Variants in SLC45A3 observed in about 807,000 individuals in gnomAD.
SLC45A3 encodes the protein solute carrier family 45 member 3.
SLC45A3 carries 17 observed loss-of-function variants against 35.3 expected under a neutral mutation model. The observed-to-expected ratio is 0.48, with a 90% CI of 0.33 to 0.72. SLC45A3 has a LOEUF of 0.72. Among genes scored for constraint, SLC45A3 ranks in the 30% least tolerant of loss-of-function variants. The pLI is 0.02. For synonymous variants in SLC45A3, 288 were observed against 334.3 expected (o/e 0.86, Z 1.51); for missense variants, 597 against 731.7 (o/e 0.82, Z 2.12).
At chr1:205,680,363 A>C (rs1671386202) in intron 1 of SLC45A3, 31 bp downstream of exon 1, 1 of 150,896 alleles carries the variant, frequency 6.6e-6, no homozygotes, top group Non-Finnish European at 1.5e-5. Context: ...CGGGACCCTC[A>C]CCCCTGGGAG....
chr1:205,668,703 T>C (rs946209460), intron 1 of SLC45A3, among the ~76,000 whole-genome samples: 2 of 152,086 alleles, frequency 1.3e-5, no homozygotes, highest in African/African-American at 4.8e-5. Context: ...AGGAAGGAAG[T>C]AGAGGGGCTG....
chr1:205,675,802 C>T lies in SLC45A3; in HGVS notation c.-231+4592G>A, dbSNP rs1380845594. ...AGCCCTGCCCAGCTCCAATCTCACA[C>T]CTCCTCCACAGCCCCCTGGAAACCA... is the stretch of plus-strand genomic sequence containing the variant. On this transcript the variant is annotated intron_variant, in intron 1 of 4. Coordinates refer to ENST00000367145, the MANE Select transcript of SLC45A3 (RefSeq NM_033102.3). Among the ~76,000 whole-genome samples, 3 of 152,178 alleles carry T rather than the reference C, an allele frequency of 2.0e-5. No individual in the cohort carries two copies. In the East Asian group the frequency reaches 5.8e-4, roughly 29 times the overall value.
Position 205,662,860 on chromosome 1 carries a change from T to C in SLC45A3, c.931A>G (p.Thr311Ala). The C allele has an allele frequency of 6.2e-7, 1 of 1,603,650 alleles. No individual in the cohort carries two copies. The highest frequency in any genetic ancestry group is 8.5e-7 in the Non-Finnish European group (1 of 1,173,816). The stretch of plus-strand genomic sequence containing the variant: ...TCATCATAGTGTCTCCGGGCCTCGG[T>C]GCCCGGCTCAGCTCTGGGCACGCCC... ...YQGVPRAEPG[T>A]EARRHYDEGV... The change falls in exon 3 of 5, where the codon ACC becomes GCC. Residue 311 changes from threonine (T) to alanine (A), a missense_variant. This residue lies in a region of SLC45A3 where 555 missense variants were observed against 664.9 expected (regional missense o/e 0.83). Coordinates refer to ENST00000367145, the MANE Select transcript of SLC45A3 (RefSeq NM_033102.3). This position sits in a 1 kb window ranked among gnomAD's most constrained non-coding sequence, Gnocchi z 6.2.
chr1:205,667,432 G>A (rs1351708808), intron 1 of SLC45A3, among the ~76,000 whole-genome samples: 1 of 151,828 alleles, frequency 6.6e-6, no homozygotes, highest in South Asian at 2.1e-4. Flanking sequence ...GCTTGAACCT[G>A]GGAGGCGGAG....
chr1:205,660,072 C>A (rs55736919), intron 4 of SLC45A3, among the ~76,000 whole-genome samples: 1,651 of 152,218 alleles, frequency 0.011, 18 homozygotes, highest in South Asian at 0.063. Context: ...CCCCTGATGG[C>A]CCAAACCCCA....
chr1:205,662,291 T>A lies in SLC45A3; in HGVS notation c.959-165A>T, dbSNP rs1671040999. 2 of 1,429,434 alleles carry A rather than the reference T, an allele frequency of 1.4e-6. No individual in the cohort carries two copies. 88.5% of individuals were successfully genotyped at this position (1,429,434 alleles called of 1,614,324 possible). On this transcript the variant is annotated intron_variant, in intron 3 of 4. Coordinates refer to ENST00000367145, the MANE Select transcript of SLC45A3 (RefSeq NM_033102.3). This position sits in a 1 kb window ranked among gnomAD's most constrained non-coding sequence, Gnocchi z 6.2. The stretch of plus-strand genomic sequence containing the variant: ...CTTTCTACCTCTAGCAATGGGAGTC[T>A]AGGTTCTTCCACTGACCCTCAGAGA...
In SLC45A3 at chr1:205,664,464, A is replaced by G; in HGVS notation, c.172+21T>C. ...GTGGCATGTATCTGGAACAGGAAGG[A>G]AGGAGGATGTAGTGACTCACCCAGC... On this transcript the variant is annotated intron_variant, in intron 2 of 4. Transcript: ENST00000367145. The surrounding 1 kb of genome is among the most constrained non-coding windows in gnomAD (Gnocchi z 5.3). 1 of 1,612,744 alleles carries G rather than the reference A, an allele frequency of 6.2e-7. No individual in the cohort carries two copies. Among genetic ancestry groups the G allele is most frequent in the Non-Finnish European group, 8.5e-7 (1 of 1,178,966 alleles).
chr1:205,658,367 G>A lies in SLC45A3; in HGVS notation c.*867C>T, dbSNP rs1670959878. The A allele has an allele frequency of 4.3e-6, 1 of 232,532 alleles. No homozygotes were observed. The highest frequency in any genetic ancestry group is 6.1e-5 in the East Asian group (1 of 16,494). 14.4% of individuals were successfully genotyped at this position (232,532 alleles called of 1,614,324 possible). On this transcript the variant is annotated 3_prime_UTR_variant, in exon 5 of 5. Transcript: ENST00000367145. ...GTAACAGCATTTGGAATTATCATTTGGGATGAGTAGAATTTCCAAGGTCCT... is the reference window on the plus strand; with the variant it reads ...GTAACAGCATTTGGAATTATCATTTAGGATGAGTAGAATTTCCAAGGTCCT...
intron 1 of SLC45A3, among the ~76,000 whole-genome samples, chr1:205,677,757 A>C (rs1272758321): frequency 1.3e-5 from 2 of 152,246 alleles, no homozygotes; most frequent in African/African-American, 2.4e-5. Flanking sequence ...GATACAATAT[A>C]TAGTTGGTAC....
At chr1:205,661,280 CAGGGGA>C (rs917770656) in intron 4 of SLC45A3, among the ~76,000 whole-genome samples, 87 of 151,886 alleles carry the variant, frequency 5.7e-4, no homozygotes, top group African/African-American at 2.0e-3. Context: ...ATATCTGCCA[CAGGGGA>C]AGGGGAAGGG....
At chr1:205,670,121 G>A (rs1671185574) in intron 1 of SLC45A3, among the ~76,000 whole-genome samples, 1 of 152,150 alleles carries the variant, frequency 6.6e-6, no homozygotes. Flanking sequence ...CACCCTCACG[G>A]CAGCTCCACG....
chr1:205,662,602 C>A lies in SLC45A3; in HGVS notation c.958+231G>T, dbSNP rs1038743216. The A allele has an allele frequency of 1.5e-6, 2 of 1,336,132 alleles. No individual in the cohort carries two copies. Among genetic ancestry groups the A allele is most frequent in the Non-Finnish European group, 1.9e-6 (2 of 1,048,462 alleles). 82.8% of individuals were successfully genotyped at this position (1,336,132 alleles called of 1,614,324 possible). A position where few individuals can be genotyped will look rare whatever the true frequency, so the allele number is the denominator to read the frequency against. On this transcript the variant is annotated intron_variant, in intron 3 of 4. Transcript: ENST00000367145. This position sits in a 1 kb window ranked among gnomAD's most constrained non-coding sequence, Gnocchi z 6.2. ...AAGCTCCGCCTTTCCTTCTGTCAAA[C>A]TGGGGCAACGACTCTGATCAGACTC...
rs1335990836 is a variant in SLC45A3 at position 205,672,855 on chromosome 1, C to T, written c.-231+7539G>A. Among the ~76,000 whole-genome samples, 4 of 152,166 alleles carry T rather than the reference C, an allele frequency of 2.6e-5. No individual in the cohort carries two copies. The South Asian group carries it at 6.2e-4, about 24-fold the overall frequency. On this transcript the variant is annotated intron_variant, in intron 1 of 4. Transcript: ENST00000367145. Reference sequence around the variant, plus strand: ...GTGCAACCAGGTGATCTCACATGCACCCCCTACCCCCGGCAGTTGCTTCTT... The same window carrying T: ...GTGCAACCAGGTGATCTCACATGCATCCCCTACCCCCGGCAGTTGCTTCTT...
Position 205,664,911 on chromosome 1 carries a change from C to G in SLC45A3, c.-230-25G>C, listed in dbSNP as rs893927936. 1.5e-5 allele frequency: 20 copies of G among 1,334,560 alleles called. No individual in the cohort carries two copies. Among genetic ancestry groups the G allele is most frequent in the African/African-American group, 3.0e-5 (2 of 67,722 alleles). 82.7% of individuals were successfully genotyped at this position (1,334,560 alleles called of 1,614,324 possible). A position where few individuals can be genotyped will look rare whatever the true frequency, so the allele number is the denominator to read the frequency against. The stretch of plus-strand genomic sequence containing the variant: ...CCTAGAAGGGCGGGGCAATCACAAG[C>G]ACACGGGGTGTTAAGTCCTGGGAGC... On this transcript the variant is annotated intron_variant, in intron 1 of 4. Transcript: ENST00000367145. The surrounding 1 kb of genome is among the most constrained non-coding windows in gnomAD (Gnocchi z 5.3).
At position 205,662,054 on chromosome 1, in the gene SLC45A3, C is replaced by T. The variant is rs762670191; in HGVS notation, c.1031G>A (p.Arg344Gln). 2.7e-5 allele frequency: 43 copies of T among 1,614,146 alleles called. No homozygotes were observed. Among genetic ancestry groups the T allele is most frequent in the Non-Finnish European group, 3.4e-5 (40 of 1,180,026 alleles). The change falls in exon 4 of 5, where the codon CGG becomes CAG. Residue 344 changes from arginine to glutamine, a missense_variant. This residue lies in a region of SLC45A3 where 555 missense variants were observed against 664.9 expected (regional missense o/e 0.83). Transcript: ENST00000367145. This position sits in a 1 kb window ranked among gnomAD's most constrained non-coding sequence, Gnocchi z 6.2. Reference protein sequence around the residue: ...ISLVFSLVMDRLVQRFGTRAV... With the variant: ...ISLVFSLVMDQLVQRFGTRAV... ...TCGAGTGCCGAATCGCTGCACCAGC[C>T]GGTCCATGACCAGAGAGAAGACCAG...
Position 205,664,612 on chromosome 1 carries a change from T to C in SLC45A3, c.45A>G (p.Lys15=), listed in dbSNP as rs763850130. Residue 15 remains lysine, a synonymous_variant, in exon 2 of 5, where the codon AAA becomes AAG. Coordinates refer to ENST00000367145, the MANE Select transcript of SLC45A3 (RefSeq NM_033102.3). This position sits in a 1 kb window ranked among gnomAD's most constrained non-coding sequence, Gnocchi z 5.3. ...LWVSRLLRHR[K]AQLLLVNLLT... is the part of the protein sequence containing the mutation. ...GCAGGTTGACCAGCAAGAGCTGGGCTTTCCGGTGCCGCAGCAGGCGGCTCA... is the reference window on the plus strand; with the variant it reads ...GCAGGTTGACCAGCAAGAGCTGGGCCTTCCGGTGCCGCAGCAGGCGGCTCA... 6.2e-7 allele frequency: 1 copy of C among 1,614,252 alleles called. No individual in the cohort carries two copies. Among genetic ancestry groups the C allele is most frequent in the Non-Finnish European group, 8.5e-7 (1 of 1,180,038 alleles).
At position 205,661,869 on chromosome 1, in the gene SLC45A3, C is replaced by T; in HGVS notation, c.1216G>A (p.Glu406Lys). Reference protein sequence around the residue: ...PYTLASLYHREKQVFLPKYRG... With the variant: ...PYTLASLYHRKKQVFLPKYRG... Reference sequence around the variant, plus strand: ...CACTGGCCAATGAGTACCTGCTTCTCCCGGTGGTAGAGGGAGGCCAGTGTG... The same window carrying T: ...CACTGGCCAATGAGTACCTGCTTCTTCCGGTGGTAGAGGGAGGCCAGTGTG... The change falls in exon 4 of 5, where the codon GAG (glutamate) becomes AAG (lysine). Residue 406 changes from glutamate (E) to lysine (K), a missense_variant. Physicochemically the swap from Glu to Lys is moderately conservative, Grantham distance 56 (BLOSUM62 1). Transcript: ENST00000367145. 1.6e-5 allele frequency: 25 copies of T among 1,612,502 alleles called. No individual in the cohort carries two copies. Among genetic ancestry groups the T allele is most frequent in the Non-Finnish European group, 2.0e-5 (24 of 1,178,868 alleles).
At chr1:205,670,815 C>T (rs915783613) in intron 1 of SLC45A3, among the ~76,000 whole-genome samples, 1 of 152,206 alleles carries the variant, frequency 6.6e-6, no homozygotes, top group Non-Finnish European at 1.5e-5. Context: ...TGCTGGCCCC[C>T]ACCCCCTCCG....
chr1:205,670,730 C>T (rs1423421488), intron 1 of SLC45A3, among the ~76,000 whole-genome samples: 3 of 152,230 alleles, frequency 2.0e-5, no homozygotes. Flanking sequence ...AACCTCTCGG[C>T]CTGCAGAGTA....
Sources: gnomAD v4.1 joint callset for allele counts (sites outside exome capture counted in the v4.1 genomes callset) on GRCh38, gnomAD v4.1.1 for gene constraint, gnomAD v4.1.1 regional missense constraint, Gnocchi (gnomAD v3.1) non-coding constraint, MANE v1.5 for transcripts, NCBI Gene and HGNC (gene_info 2026-07-23, HGNC 2026-07-21) for gene names.